Variants in AGAP1 observed in about 807,000 individuals in gnomAD.
The protein encoded by AGAP1 is ArfGAP with GTPase domain, ankyrin repeat and PH domain 1.
Under a neutral mutation model 105.3 loss-of-function variants are expected in AGAP1, and 29 were observed. That is an observed-to-expected ratio of 0.28 (90% CI 0.21 to 0.38). The LOEUF is 0.38. Among genes scored for constraint, AGAP1 ranks in the 10% least tolerant of loss-of-function variants. The pLI, the probability that AGAP1 is intolerant of heterozygous loss-of-function variation, is 1.00. For synonymous variants in AGAP1, 509 were observed against 485.9 expected (o/e 1.05, Z -0.63); for missense variants, 998 against 1,165.1 (o/e 0.86, Z 2.09).
rs1235734432 is a variant in AGAP1 at position 235,908,199 on chromosome 2, A to G, written c.1156-539A>G. ...TGATTGCTGCTGGTCATTTGCTTCC[A>G]AGGCCTAGAAAGCCAGATACCCCTT... On this transcript the variant is annotated intron_variant, in intron 10 of 17. Transcript: ENST00000304032. The surrounding 1 kb of genome is among the most constrained non-coding windows in gnomAD (Gnocchi z 4.4). 6.6e-6 allele frequency among the ~76,000 whole-genome samples: 1 copy of G among 152,152 alleles called. No homozygotes were observed. Among genetic ancestry groups the G allele is most frequent in the African/African-American group, 2.4e-5 (1 of 41,422 alleles).
chr2:235,984,047 T>G (rs2055201397), intron 13 of AGAP1, among the ~76,000 whole-genome samples: 1 of 152,158 alleles, frequency 6.6e-6, no homozygotes, highest in African/African-American at 2.4e-5. Context: ...TGCTAACCAT[T>G]AAGCAACAAC....
intron 6 of AGAP1, among the ~76,000 whole-genome samples, chr2:235,768,446 A>T (rs1955154017): frequency 6.6e-6 from 1 of 152,230 alleles, no homozygotes; most frequent in African/African-American, 2.4e-5. Flanking sequence ...GAGTAGTGAA[A>T]ATTTGGCAGA....
At chr2:235,839,933 A>G (rs1333569295) in intron 9 of AGAP1, among the ~76,000 whole-genome samples, 1 of 152,232 alleles carries the variant, frequency 6.6e-6, no homozygotes, top group Non-Finnish European at 1.5e-5. Flanking sequence ...CTTCTGTTAA[A>G]ATGAGAAAGT....
intron 3 of AGAP1, among the ~76,000 whole-genome samples, chr2:235,722,801 A>G (rs1951453048): frequency 1.3e-5 from 2 of 152,120 alleles, no homozygotes; most frequent in African/African-American, 4.8e-5. Context: ...GGGATGTCCA[A>G]TCTTTTGGCT....
chr2:235,670,012 C>T (rs1948291091), intron 1 of AGAP1: 1 of 324,790 alleles, frequency 3.1e-6, no homozygotes, highest in African/African-American at 2.2e-5. Flanking sequence ...GGGCCACACT[C>T]CCGGCCCGCC....
In AGAP1 at chr2:235,609,827, AG is replaced by A. The variant is rs1946068416; in HGVS notation, c.164-99350del. 6.6e-6 allele frequency among the ~76,000 whole-genome samples: 1 copy of A among 152,106 alleles called. No individual in the cohort carries two copies. The highest frequency in any genetic ancestry group is 1.5e-5 in the Non-Finnish European group (1 of 68,030). On this transcript the variant is annotated intron_variant, in intron 1 of 17. Coordinates refer to ENST00000304032, the MANE Select transcript of AGAP1 (RefSeq NM_001037131.3). The surrounding 1 kb of genome is among the most constrained non-coding windows in gnomAD (Gnocchi z 5.1). ...GCTGTGGGCATATTTGGCGCTTGGC[AG>A]GATTGAAGGCGCAACTCTTGGCTTC...
chr2:235,834,296 G>A (rs547276488), intron 9 of AGAP1, among the ~76,000 whole-genome samples: 1 of 152,300 alleles, frequency 6.6e-6, no homozygotes, highest in East Asian at 1.9e-4. Context: ...TGAGGTGCAG[G>A]CTTTTATTTC....
chr2:235,746,864 A>G lies in AGAP1; in HGVS notation c.538+2025A>G, dbSNP rs571113095. Among the ~76,000 whole-genome samples, 3 of 152,120 alleles carry G rather than the reference A, an allele frequency of 2.0e-5. No homozygotes were observed. The South Asian group carries it at 6.2e-4, about 32-fold the overall frequency. On this transcript the variant is annotated intron_variant, in intron 5 of 17. Coordinates refer to ENST00000304032, the MANE Select transcript of AGAP1 (RefSeq NM_001037131.3). ...AGTGACAGTGAAGTTCCCAGCCTGG[A>G]AAGATCCCCTGCGATCAGGTTCTGT...
intron 11 of AGAP1, among the ~76,000 whole-genome samples, chr2:235,913,948 T>C (rs1000570597): frequency 1.3e-5 from 2 of 152,148 alleles, no homozygotes; most frequent in Non-Finnish European, 2.9e-5. Context: ...ATTTGTATTA[T>C]AGCCTCCAGC....
At chr2:235,528,529 C>T (rs898906672) in intron 1 of AGAP1, among the ~76,000 whole-genome samples, 2 of 152,134 alleles carry the variant, frequency 1.3e-5, no homozygotes, top group Non-Finnish European at 1.5e-5. Context: ...TTGCATATGG[C>T]GAGATGCTCG....
intron 1 of AGAP1, among the ~76,000 whole-genome samples, chr2:235,509,423 C>T (rs761292646): frequency 5.3e-5 from 8 of 151,786 alleles, no homozygotes; most frequent in South Asian, 2.1e-4. Flanking sequence ...TTAGTAGAGA[C>T]GGTTTCACCA....
intron 4 of AGAP1, among the ~76,000 whole-genome samples, chr2:235,742,584 T>C (rs1182483632): frequency 6.6e-6 from 1 of 152,078 alleles, no homozygotes; most frequent in Admixed American, 6.6e-5. Flanking sequence ...AAGTTAGAGG[T>C]CTGATAGGAT....
intron 12 of AGAP1, among the ~76,000 whole-genome samples, chr2:235,948,656 A>T (rs1167108033): frequency 1.3e-5 from 2 of 152,102 alleles, no homozygotes; most frequent in Non-Finnish European, 2.9e-5. Context: ...AGCGCTAGAG[A>T]TGGGTCCTCA....
In AGAP1 at chr2:235,906,701, G is replaced by C. The variant is rs770168968; in HGVS notation, c.1156-2037G>C. Reference sequence around the variant, plus strand: ...ACCCACCTGACCATGGTTGGGCAGGGAGAAAACAGCTCTTCTCATCCTCTG... The same window carrying C: ...ACCCACCTGACCATGGTTGGGCAGGCAGAAAACAGCTCTTCTCATCCTCTG... On this transcript the variant is annotated intron_variant, in intron 10 of 17. Transcript: ENST00000304032. This position sits in a 1 kb window ranked among gnomAD's most constrained non-coding sequence, Gnocchi z 5.3. 4.7e-5 allele frequency among the ~76,000 whole-genome samples: 7 copies of C among 150,284 alleles called. No individual in the cohort carries two copies. The highest frequency in any genetic ancestry group is 7.3e-5 in the Non-Finnish European group (5 of 68,034).
intron 10 of AGAP1, among the ~76,000 whole-genome samples, chr2:235,885,162 G>A (rs957619476): frequency 3.9e-5 from 6 of 152,032 alleles, no homozygotes; most frequent in African/African-American, 9.7e-5. Flanking sequence ...GCATACTCCC[G>A]GCTATTTCTA....
chr2:235,704,640 G>A (rs894552959), intron 1 of AGAP1, among the ~76,000 whole-genome samples: 3 of 147,168 alleles, frequency 2.0e-5, no homozygotes, highest in Admixed American at 6.7e-5. Context: ...GCGAGACTCC[G>A]TCTCAAAAAA....
intron 16 of AGAP1, among the ~76,000 whole-genome samples, chr2:236,088,476 A>T (rs930981228): frequency 1.3e-5 from 2 of 152,104 alleles, no homozygotes; most frequent in African/African-American, 4.8e-5. Context: ...AGTCATCCTT[A>T]CTGTTGGGCT....
chr2:235,918,876 T>TG (rs1349193678), intron 11 of AGAP1, among the ~76,000 whole-genome samples: 1 of 152,162 alleles, frequency 6.6e-6, no homozygotes, highest in Non-Finnish European at 1.5e-5. Context: ...GAACTCTAAG[T>TG]GGAGTGTTCT....
intron 9 of AGAP1, among the ~76,000 whole-genome samples, chr2:235,810,854 T>TTTTTA (rs61070151): frequency 6.1e-5 from 9 of 146,464 alleles, no homozygotes; most frequent in African/African-American, 2.0e-4. Context: ...TTTTTTTTTT[T>TTTTTA]ACTAATAAGG....
Sources: allele counts gnomAD v4.1 joint callset (sites outside exome capture counted in the v4.1 genomes callset), GRCh38; gene constraint gnomAD v4.1.1; non-coding constraint Gnocchi (gnomAD v3.1); transcripts MANE v1.5; gene names NCBI Gene and HGNC (gene_info 2026-07-23, HGNC 2026-07-21).